The following NKAIN2 variants were observed in gnomAD, a reference collection of about 807,000 sequenced individuals.
NKAIN2 encodes sodium/potassium-transporting ATPase subunit beta-1-interacting protein 2.
Under a neutral mutation model 32.6 loss-of-function variants are expected in NKAIN2, and 14 were observed. That is an observed-to-expected ratio of 0.43 (90% CI 0.28 to 0.67). NKAIN2 has a LOEUF of 0.67. Among genes scored for constraint, NKAIN2 ranks in the 30% least tolerant of loss-of-function variants. The pLI, the probability that NKAIN2 is intolerant of heterozygous loss-of-function variation, is 0.17. For missense variants in NKAIN2, 198 were observed against 258.3 expected, an observed-to-expected ratio of 0.77 and a Z score of 1.60; for synonymous variants, 80 against 87.2, an observed-to-expected ratio of 0.92 and a Z score of 0.46.
chr6:124,558,721 G>T (rs375142413), intron 3 of NKAIN2, among the ~76,000 whole-genome samples: 132 of 152,316 alleles, frequency 8.7e-4, no homozygotes, highest in African/African-American at 3.1e-3. Flanking sequence ...GCCAAGGCGG[G>T]TGGATCACTT....
At chr6:124,379,511 T>C (rs1772525767) in intron 3 of NKAIN2, among the ~76,000 whole-genome samples, 1 of 152,106 alleles carries the variant, frequency 6.6e-6, no homozygotes, top group Admixed American at 6.5e-5. Flanking sequence ...AGTGCTTTCT[T>C]TTTTTCTGAA....
intron 1 of NKAIN2, among the ~76,000 whole-genome samples, chr6:123,998,642 A>C (rs1400740718): frequency 6.6e-6 from 1 of 151,836 alleles, no homozygotes; most frequent in Admixed American, 6.6e-5. Context: ...TACTACTATA[A>C]TCTTGTCTTA....
chr6:124,198,080 C>CA (rs1262398791), intron 1 of NKAIN2, among the ~76,000 whole-genome samples: 1 of 151,882 alleles, frequency 6.6e-6, no homozygotes, highest in Non-Finnish European at 1.5e-5. Flanking sequence ...TTGTACATCA[C>CA]GAGTTTAAAT....
chr6:124,313,838 G>A lies in NKAIN2; in HGVS notation c.192+30696G>A, dbSNP rs571249624. Among the ~76,000 whole-genome samples the A allele has an allele frequency of 2.4e-4, 37 of 152,098 alleles. No homozygotes were observed. In the East Asian group the frequency reaches 2.9e-3, roughly 12 times the overall value. On this transcript the variant is annotated intron_variant, in intron 2 of 6. Transcript: ENST00000368417. ...CAATGCAGAAAATCTACCCTAGCTC[G>A]GTGTCTTTTAACCTTTTATCTCCTT...
chr6:124,536,212 C>G (rs2114833571), intron 3 of NKAIN2, among the ~76,000 whole-genome samples: 1 of 152,282 alleles, frequency 6.6e-6, no homozygotes, highest in East Asian at 1.9e-4. Flanking sequence ...GAAATGGTTT[C>G]TCTTTAGCAA....
chr6:124,820,286 T>C (rs1436204231), intron 6 of NKAIN2, among the ~76,000 whole-genome samples: 1 of 152,218 alleles, frequency 6.6e-6, no homozygotes, highest in Non-Finnish European at 1.5e-5. Flanking sequence ...ACTGAAGGCA[T>C]ACTGTCTGAG....
At chr6:124,471,445 C>A (rs778523355) in intron 3 of NKAIN2, among the ~76,000 whole-genome samples, 2 of 152,070 alleles carry the variant, frequency 1.3e-5, no homozygotes, top group African/African-American at 2.4e-5. Context: ...TTTTCTGATA[C>A]ATATCTCATT....
intron 4 of NKAIN2, among the ~76,000 whole-genome samples, chr6:124,784,203 T>C (rs963726890): frequency 1.3e-5 from 2 of 152,186 alleles, no homozygotes; most frequent in Non-Finnish European, 2.9e-5. Flanking sequence ...TATGCAATTA[T>C]ATGAAATAAA....
At chr6:123,827,897 A>C (rs12190326) in intron 1 of NKAIN2, among the ~76,000 whole-genome samples, 65,994 of 144,046 alleles carry the variant, frequency 0.46, 17,007 homozygotes, top group Middle Eastern at 0.63. Flanking sequence ...CTCTCTCTCT[A>C]TATATATATA....
At chr6:124,188,152 G>A (rs1484670059) in intron 1 of NKAIN2, among the ~76,000 whole-genome samples, 2 of 152,136 alleles carry the variant, frequency 1.3e-5, no homozygotes, top group African/African-American at 2.4e-5. Flanking sequence ...TTTAAACCTA[G>A]TGATTCTACA....
chr6:124,390,052 C>G (rs1773077151), intron 3 of NKAIN2, among the ~76,000 whole-genome samples: 1 of 152,074 alleles, frequency 6.6e-6, no homozygotes, highest in Non-Finnish European at 1.5e-5. Flanking sequence ...ATACAGTAGA[C>G]TTAATAGGTA....
In NKAIN2 at chr6:124,097,064, G is replaced by A. The variant is rs1784675915; in HGVS notation, c.55-185941G>A. On this transcript the variant is annotated intron_variant, in intron 1 of 6. Coordinates refer to ENST00000368417, the MANE Select transcript of NKAIN2 (RefSeq NM_001040214.3). The stretch of plus-strand genomic sequence containing the variant: ...GCTGGTACTTGATTATACTTGAAAT[G>A]ATAGAAGCCTTCAAAATCAAGGAAA... Among the ~76,000 whole-genome samples, 5 of 152,184 alleles carry A rather than the reference G, an allele frequency of 3.3e-5. No homozygotes were observed. In the South Asian group the frequency reaches 1.0e-3, roughly 32 times the overall value.
chr6:124,581,764 G>C (rs573886263), intron 3 of NKAIN2, among the ~76,000 whole-genome samples: 26 of 152,258 alleles, frequency 1.7e-4, no homozygotes, highest in African/African-American at 6.0e-4. Flanking sequence ...TGACCTCTGG[G>C]TCAATGAAGA....
At chr6:124,665,300 TA>T (rs1562313714) in intron 4 of NKAIN2, among the ~76,000 whole-genome samples, 1 of 152,140 alleles carries the variant, frequency 6.6e-6, no homozygotes. Context: ...GGTATTGGCA[TA>T]AAGACAAACA....
intron 3 of NKAIN2, among the ~76,000 whole-genome samples, chr6:124,418,413 C>A (rs1468808142): frequency 6.6e-6 from 1 of 150,912 alleles, no homozygotes; most frequent in Non-Finnish European, 1.5e-5. Context: ...GATTACGGAG[C>A]ATTTTGTTAG....
chr6:123,957,880 A>G (rs1032715702), intron 1 of NKAIN2, among the ~76,000 whole-genome samples: 3 of 152,238 alleles, frequency 2.0e-5, no homozygotes, highest in Non-Finnish European at 2.9e-5. Context: ...TTTTTATTAC[A>G]TGATACATTT....
At chr6:124,521,671 T>G (rs745665749) in intron 3 of NKAIN2, among the ~76,000 whole-genome samples, 2 of 152,178 alleles carry the variant, frequency 1.3e-5, no homozygotes, top group African/African-American at 4.8e-5. Context: ...AATAATCGAT[T>G]CTTTTCATGC....
At chr6:124,770,577 C>T (rs1267338619) in intron 4 of NKAIN2, among the ~76,000 whole-genome samples, 1 of 152,118 alleles carries the variant, frequency 6.6e-6, no homozygotes, top group African/African-American at 2.4e-5. Context: ...TCATCTATTT[C>T]AAGATTTCTT....
chr6:124,428,287 C>T (rs1033785603), intron 3 of NKAIN2, among the ~76,000 whole-genome samples: 2 of 151,972 alleles, frequency 1.3e-5, no homozygotes, highest in Non-Finnish European at 2.9e-5. Context: ...AAAATACCAC[C>T]GAAGAGCTGG....
Sources: gnomAD v4.1 joint callset for allele counts (sites outside exome capture counted in the v4.1 genomes callset) on GRCh38, gnomAD v4.1.1 for gene constraint, MANE v1.5 for transcripts, NCBI Gene and HGNC (gene_info 2026-07-23, HGNC 2026-07-21) for gene names.